Variants in PTPRM observed in about 807,000 individuals in gnomAD.
PTPRM encodes the protein protein tyrosine phosphatase receptor type M.
In PTPRM, 47 loss-of-function variants were observed where a neutral mutation model predicts 186.7. The observed-to-expected ratio is 0.25, with a 90% CI of 0.20 to 0.32. The LOEUF (loss-of-function observed/expected upper bound fraction) is 0.32, where lower values mean the gene tolerates loss of function less well. Ranked by LOEUF, PTPRM falls within the 10% of genes least tolerant of loss-of-function variation. The pLI, the probability that PTPRM is intolerant of heterozygous loss-of-function variation, is 1.00. For missense variants in PTPRM, 1,494 were observed against 1,865.0 expected, an observed-to-expected ratio of 0.80 and a Z score of 3.66; for synonymous variants, 668 against 674.9, an observed-to-expected ratio of 0.99 and a Z score of 0.16.
intron 19 of PTPRM, among the ~76,000 whole-genome samples, chr18:8,276,833 G>T (rs1182671477): frequency 1.3e-5 from 2 of 152,182 alleles, no homozygotes; most frequent in Non-Finnish European, 2.9e-5. Flanking sequence ...TGGAGGACAG[G>T]TTGGAGCAGG....
intron 2 of PTPRM, among the ~76,000 whole-genome samples, chr18:7,886,385 A>C (rs1380905134): frequency 1.3e-5 from 2 of 152,200 alleles, no homozygotes; most frequent in Admixed American, 6.5e-5. Context: ...TTCTTAAATG[A>C]CAGTTAAAGT....
intron 9 of PTPRM, among the ~76,000 whole-genome samples, chr18:8,080,446 C>G (rs1404086455): frequency 1.3e-5 from 2 of 152,022 alleles, no homozygotes; most frequent in African/African-American, 4.8e-5. Flanking sequence ...AAGTAACTAC[C>G]CCATCAGCAA....
intron 29 of PTPRM, among the ~76,000 whole-genome samples, chr18:8,382,107 A>G (rs188789642): frequency 6.6e-6 from 1 of 152,334 alleles, no homozygotes; most frequent in Admixed American, 6.5e-5. Context: ...TCAGTCTTTT[A>G]GCGAACACTA....
chr18:7,913,443 T>C (rs1228378940), intron 4 of PTPRM, among the ~76,000 whole-genome samples: 1 of 152,226 alleles, frequency 6.6e-6, no homozygotes, highest in Non-Finnish European at 1.5e-5. Flanking sequence ...TTCAGTCTTT[T>C]AGCATGATGT....
intron 32 of PTPRM, chr18:8,403,887 A>C (rs1019683367): frequency 5.9e-5 from 9 of 152,340 alleles, no homozygotes; most frequent in Admixed American, 1.3e-4. Context: ...ACGTTGTAAC[A>C]TGGATTAGTA....
intron 14 of PTPRM, among the ~76,000 whole-genome samples, chr18:8,234,627 G>A (rs1879132524): frequency 6.6e-6 from 1 of 152,164 alleles, no homozygotes; most frequent in African/African-American, 2.4e-5. Flanking sequence ...ATATTGAAAA[G>A]TATTGGTGAG....
intron 19 of PTPRM, among the ~76,000 whole-genome samples, chr18:8,279,988 G>T (rs191021041): frequency 1.6e-4 from 25 of 152,284 alleles, no homozygotes; most frequent in African/African-American, 4.1e-4. Flanking sequence ...TGGCATTCAG[G>T]GTTACACATC....
At chr18:8,198,424 C>T (rs1441234689) in intron 14 of PTPRM, among the ~76,000 whole-genome samples, 3 of 152,176 alleles carry the variant, frequency 2.0e-5, no homozygotes, top group Non-Finnish European at 4.4e-5. Flanking sequence ...GCTGTGATTA[C>T]AGGCATGAAC....
intron 22 of PTPRM, among the ~76,000 whole-genome samples, chr18:8,340,818 C>T (rs769786326): frequency 1.3e-5 from 2 of 152,190 alleles, no homozygotes; most frequent in Non-Finnish European, 2.9e-5. Flanking sequence ...CCCAGACCCA[C>T]CTCCACCCCA....
intron 2 of PTPRM, among the ~76,000 whole-genome samples, chr18:7,804,644 A>T (rs958059150): frequency 6.6e-6 from 1 of 152,216 alleles, no homozygotes; most frequent in African/African-American, 2.4e-5. Flanking sequence ...TCAAATTTTC[A>T]TTTAAAATCA....
At position 8,380,277 on chromosome 18, in the gene PTPRM, T is replaced by C; in HGVS notation, c.3787-19T>C. On this transcript the variant is annotated intron_variant, in intron 28 of 32. Coordinates refer to ENST00000580170, the MANE Select transcript of PTPRM (RefSeq NM_001105244.2). ...CATTTTCCTGAGTATATTTGGAGCA[T>C]TCTTGTTTGTGTTTGCAGAGCTATA... is the stretch of plus-strand genomic sequence containing the variant. 2.5e-6 allele frequency: 4 copies of C among 1,611,224 alleles called. No homozygotes were observed. The highest frequency in any genetic ancestry group is 3.4e-6 in the Non-Finnish European group (4 of 1,177,396).
In PTPRM at chr18:8,361,655, G is replaced by A. The variant is rs553608379; in HGVS notation, c.3055-9235G>A. ...TCTAGAATCACATAATCAGATAACT[G>A]TAGGACTCAGAATACCTTTAACAAT... is the stretch of plus-strand genomic sequence containing the variant. On this transcript the variant is annotated intron_variant, in intron 23 of 32. Transcript: ENST00000580170. Among the ~76,000 whole-genome samples the A allele has an allele frequency of 3.2e-4, 49 of 152,308 alleles. 1 individual carries two copies. The highest frequency in any genetic ancestry group is 1.0e-3 in the African/African-American group (43 of 41,568).
intron 1 of PTPRM, among the ~76,000 whole-genome samples, chr18:7,618,475 G>C (rs955505689): frequency 1.3e-5 from 2 of 152,190 alleles, no homozygotes; most frequent in Admixed American, 6.5e-5. Flanking sequence ...GTTTTAGTAG[G>C]AGTAGTAAAT....
At chr18:7,960,473 A>G (rs2053591654) in intron 7 of PTPRM, among the ~76,000 whole-genome samples, 1 of 123,708 alleles carries the variant, frequency 8.1e-6, no homozygotes, top group East Asian at 2.4e-4. Flanking sequence ...ATATATATAT[A>G]TATATATACA....
chr18:8,391,753 A>T (rs1053670717), intron 31 of PTPRM, among the ~76,000 whole-genome samples: 14 of 152,220 alleles, frequency 9.2e-5, no homozygotes, highest in Non-Finnish European at 1.5e-4. Flanking sequence ...TAAAAAACTG[A>T]TTCAGAATTT....
At chr18:8,175,982 C>T (rs2093474577) in intron 14 of PTPRM, among the ~76,000 whole-genome samples, 1 of 152,116 alleles carries the variant, frequency 6.6e-6, no homozygotes, top group African/African-American at 2.4e-5. Flanking sequence ...CTTCTTATGA[C>T]TAAAAAGTGG....
chr18:8,346,952 G>A (rs192055154), intron 23 of PTPRM, among the ~76,000 whole-genome samples: 32 of 152,260 alleles, frequency 2.1e-4, no homozygotes, highest in East Asian at 1.7e-3. Context: ...ATAGTGTCAC[G>A]GAGCACACCA....
chr18:7,577,000 A>G (rs1301178723), intron 1 of PTPRM, among the ~76,000 whole-genome samples: 2 of 152,232 alleles, frequency 1.3e-5, no homozygotes, highest in African/African-American at 4.8e-5. Context: ...CACTCAATAA[A>G]TATTTGTTGA....
chr18:7,998,656 T>A (rs1385964880), intron 7 of PTPRM, among the ~76,000 whole-genome samples: 7 of 148,194 alleles, frequency 4.7e-5, no homozygotes, highest in Non-Finnish European at 1.1e-4. Context: ...TTATACAACA[T>A]TTTTTTTTAT....
Sources: allele counts gnomAD v4.1 joint callset (sites outside exome capture counted in the v4.1 genomes callset), GRCh38; gene constraint gnomAD v4.1.1; transcripts MANE v1.5; gene names NCBI Gene and HGNC (gene_info 2026-07-23, HGNC 2026-07-21).